ARHGAP6: variants seen among roughly 807,000 people sequenced by gnomAD.
ARHGAP6 encodes the protein rho GTPase-activating protein 6.
Under a neutral mutation model 55.7 loss-of-function variants are expected in ARHGAP6, and 16 were observed. That is an observed-to-expected ratio of 0.29 (90% CI 0.19 to 0.44). ARHGAP6 has a LOEUF of 0.44. Among genes scored for constraint, ARHGAP6 ranks in the 20% least tolerant of loss-of-function variants. ARHGAP6 has a pLI of 1.00. For synonymous variants in ARHGAP6, 382 were observed against 360.9 expected (o/e 1.06, Z -0.66); for missense variants, 698 against 808.9 (o/e 0.86, Z 1.66).
chrX:11,415,893 C>T (rs780603597), intron 1 of ARHGAP6, among the ~76,000 whole-genome samples: 9 of 111,641 alleles, frequency 8.1e-5, no homozygotes, highest in Admixed American at 4.7e-4. Context: ...CAACCCTAAC[C>T]GACCCACAGA....
At chrX:11,225,430 A>G in intron 2 of ARHGAP6, among the ~76,000 whole-genome samples, 1 of 111,285 alleles carries the variant, frequency 9.0e-6, no homozygotes, top group Non-Finnish European at 1.9e-5. Context: ...AAGAATTAGG[A>G]CATACATGTT....
chrX:11,628,984 C>CGTGTGT (rs55999982), intron 1 of ARHGAP6, among the ~76,000 whole-genome samples: 297 of 101,469 alleles, frequency 2.9e-3, no homozygotes, highest in Middle Eastern at 0.015. Context: ...GCTTCAGATA[C>CGTGTGT]GTGTGTGTGT....
intron 1 of ARHGAP6, among the ~76,000 whole-genome samples, chrX:11,451,061 T>A (rs1328134234): frequency 9.0e-6 from 1 of 111,335 alleles, no homozygotes; most frequent in Non-Finnish European, 1.9e-5. Context: ...TGCCCAGGGA[T>A]GCTTAGCCTC....
intron 2 of ARHGAP6, among the ~76,000 whole-genome samples, chrX:11,252,398 G>A (rs982047809): frequency 7.1e-5 from 8 of 112,143 alleles, no homozygotes; most frequent in African/African-American, 2.3e-4. Context: ...CTCTTGGCCC[G>A]GGCCCCACAT....
rs770832246 is a variant in ARHGAP6, at chrX:11,530,095, C to A, written c.588+134146G>T. 3.7e-4 allele frequency among the ~76,000 whole-genome samples: 41 copies of A among 111,433 alleles called. 1 individual carries two copies. In the Admixed American group the frequency reaches 3.9e-3, roughly 11 times the overall value. On this transcript the variant is annotated intron_variant, in intron 1 of 12. Transcript: ENST00000337414. ...GAATACCTTTCCCATCCCCATCTAC[C>A]AAGGAAAATTCTGCTGATCTTACAA...
intron 1 of ARHGAP6, among the ~76,000 whole-genome samples, chrX:11,416,849 C>T (rs1195882416): frequency 9.2e-6 from 1 of 108,149 alleles, no homozygotes; most frequent in Admixed American, 1.0e-4. Context: ...CAAGTTCAGT[C>T]ACGCGGTTGT....
chrX:11,199,782 T>G (rs770667466), intron 2 of ARHGAP6, among the ~76,000 whole-genome samples: 2 of 112,364 alleles, frequency 1.8e-5, no homozygotes, highest in South Asian at 7.4e-4. Context: ...CTTAATTAGA[T>G]AGCGGTGAAT....
In ARHGAP6 at chrX:11,518,031, C is replaced by G. The variant is rs561433977; in HGVS notation, c.588+146210G>C. Among the ~76,000 whole-genome samples the G allele has an allele frequency of 3.0e-3, 338 of 111,642 alleles. 2 individuals are homozygous for G. The highest frequency in any genetic ancestry group is 5.7e-3 in the Non-Finnish European group (303 of 53,052). ...ATAAAATAATCATGCAACATCCCAG[C>G]CCCAAATACCTTAACCTAACATTTT... On this transcript the variant is annotated intron_variant, in intron 1 of 12. Coordinates refer to ENST00000337414, the MANE Select transcript of ARHGAP6 (RefSeq NM_013427.3).
intron 1 of ARHGAP6, among the ~76,000 whole-genome samples, chrX:11,322,015 G>A (rs773978745): frequency 2.9e-4 from 33 of 112,259 alleles, no homozygotes; most frequent in African/African-American, 1.0e-3. Context: ...CGTGACATAT[G>A]TGAGTAAGAC....
chrX:11,611,593 T>C (rs1422712725), intron 1 of ARHGAP6, among the ~76,000 whole-genome samples: 1 of 111,732 alleles, frequency 8.9e-6, no homozygotes, highest in Non-Finnish European at 1.9e-5. Flanking sequence ...CCCTGCCTAA[T>C]ATTCACTCTG....
intron 1 of ARHGAP6, among the ~76,000 whole-genome samples, chrX:11,478,019 A>T (rs148119663): frequency 0.013 from 1,476 of 111,962 alleles, 14 homozygotes; most frequent in African/African-American, 0.046. Context: ...ATTTTTTTTA[A>T]AAAGAGATAT....
intron 1 of ARHGAP6, among the ~76,000 whole-genome samples, chrX:11,446,289 T>A (rs899256699): frequency 9.0e-6 from 1 of 111,663 alleles, no homozygotes; most frequent in African/African-American, 3.3e-5. Flanking sequence ...TATCTTTTTT[T>A]AAGAATGGAG....
intron 1 of ARHGAP6, among the ~76,000 whole-genome samples, chrX:11,601,816 T>C (rs2051977561): frequency 8.9e-6 from 1 of 111,954 alleles, no homozygotes; most frequent in Admixed American, 9.5e-5. Flanking sequence ...GCTGAGAAGA[T>C]GCCCAGGGAG....
At chrX:11,511,886 GCA>G (rs2050788090) in intron 1 of ARHGAP6, among the ~76,000 whole-genome samples, 1 of 111,212 alleles carries the variant, frequency 9.0e-6, no homozygotes, top group Non-Finnish European at 1.9e-5. Flanking sequence ...GAGTCCAGTG[GCA>G]TGATCTCAGC....
chrX:11,474,834 G>C (rs867118009), intron 1 of ARHGAP6, among the ~76,000 whole-genome samples: 1 of 110,764 alleles, frequency 9.0e-6, no homozygotes, highest in Non-Finnish European at 1.9e-5. Flanking sequence ...TTGTGAAATG[G>C]AATTAGTTCT....
At position 11,516,199 on chromosome X, in the gene ARHGAP6, GTTTCC is replaced by G. The variant is rs752328510; in HGVS notation, c.588+148037_588+148041del. Among the ~76,000 whole-genome samples the G allele has an allele frequency of 7.4e-3, 827 of 112,491 alleles. 10 individuals are homozygous for G. The highest frequency in any genetic ancestry group is 0.025 in the African/African-American group (784 of 31,064). On this transcript the variant is annotated intron_variant, in intron 1 of 12. Coordinates refer to ENST00000337414, the MANE Select transcript of ARHGAP6 (RefSeq NM_013427.3). ...TATTTTTTAAAATTACATTTTGTAA[GTTTCC>G]TTTCATTCAAATGTTTTCTCTTTTA...
At chrX:11,145,917 A>T (rs1380845200) in intron 10 of ARHGAP6, among the ~76,000 whole-genome samples, 5 of 112,201 alleles carry the variant, frequency 4.5e-5, no homozygotes, top group Non-Finnish European at 7.5e-5. Context: ...ATGCACGGGG[A>T]TGTTTGGGAA....
chrX:11,168,164 C>T (rs960923968), intron 9 of ARHGAP6, among the ~76,000 whole-genome samples: 6 of 112,102 alleles, frequency 5.4e-5, no homozygotes, highest in Non-Finnish European at 9.4e-5. Context: ...CCTCAAAATA[C>T]AAGGAGCTGG....
At chrX:11,655,483 G>A (rs915845882) in intron 1 of ARHGAP6, among the ~76,000 whole-genome samples, 1 of 111,926 alleles carries the variant, frequency 8.9e-6, no homozygotes, top group African/African-American at 3.2e-5. Context: ...GCTGCGTCAT[G>A]TTACATTCTC....
Sources: allele counts gnomAD v4.1 joint callset (sites outside exome capture counted in the v4.1 genomes callset), GRCh38; gene constraint gnomAD v4.1.1; transcripts MANE v1.5; gene names NCBI Gene and HGNC (gene_info 2026-07-23, HGNC 2026-07-21).